USP6NL: variants seen among roughly 807,000 people sequenced by gnomAD.
USP6NL encodes USP6 N-terminal-like protein.
USP6NL carries 26 observed loss-of-function variants against 61.9 expected under a neutral mutation model. The ratio of observed to expected loss-of-function variants is 0.42; its 90% CI spans 0.31 to 0.58. The LOEUF is 0.58. USP6NL is among the 20% of genes least tolerant of loss of function. The pLI is 0.16. For synonymous variants in USP6NL, 432 were observed against 390.1 expected, an observed-to-expected ratio of 1.11 and a Z score of -1.27; for missense variants, 1,114 against 1,034.3, an observed-to-expected ratio of 1.08 and a Z score of -1.06.
At chr10:11,500,190 G>C (rs900309552) in intron 7 of USP6NL, among the ~76,000 whole-genome samples, 15 of 152,226 alleles carry the variant, frequency 9.9e-5, no homozygotes, top group African/African-American at 3.6e-4. Flanking sequence ...GTGGGAGGGA[G>C]AGCATCAGGA....
In USP6NL at chr10:11,520,819, G is replaced by A. The variant is rs1306521345; in HGVS notation, c.156-2245C>T. Reference sequence around the variant, plus strand: ...GGGTTAAGCAGTTGTGACAAAGACCGTATGACCTACAAAGCCAAAGATCCT... The same window carrying A: ...GGGTTAAGCAGTTGTGACAAAGACCATATGACCTACAAAGCCAAAGATCCT... On this transcript the variant is annotated intron_variant, in intron 4 of 14. Coordinates refer to ENST00000609104, the MANE Select transcript of USP6NL (RefSeq NM_014688.5). The surrounding 1 kb of genome is among the most constrained non-coding windows in gnomAD (Gnocchi z 5.2). 1.3e-5 allele frequency among the ~76,000 whole-genome samples: 2 copies of A among 152,308 alleles called. No individual in the cohort carries two copies. The highest frequency in any genetic ancestry group is 3.4e-3 in the Middle Eastern group (1 of 294).
rs1231910436 is a variant in USP6NL at position 11,555,417 on chromosome 10, A to T, written c.5-27850T>A. ...GCAACAAGAGTGAAACTCGGTCTTA[A>T]AAAAAAAAAAAAAAAAATATATATA... is the stretch of plus-strand genomic sequence containing the variant. On this transcript the variant is annotated intron_variant, in intron 2 of 14. Transcript: ENST00000609104. Among the ~76,000 whole-genome samples, 8 of 20,074 alleles carry T rather than the reference A, an allele frequency of 4.0e-4. No individual in the cohort carries two copies. The East Asian group carries it at 6.6e-3, about 17-fold the overall frequency. The allele number at this position is 20,074 out of a possible 152,430, so 13.2% of individuals were successfully genotyped here. A position where few individuals can be genotyped will look rare whatever the true frequency, so the allele number is the denominator to read the frequency against.
chr10:11,547,399 G>A lies in USP6NL; in HGVS notation c.5-19832C>T, dbSNP rs747484271. Among the ~76,000 whole-genome samples, 8 of 152,274 alleles carry A rather than the reference G, an allele frequency of 5.3e-5. No individual in the cohort carries two copies. The Middle Eastern group carries it at 0.014, about 259-fold the overall frequency. ...AATGTCTCACAGCAGGCGGCAGAGC[G>A]GGATGTGAACACAGTTGGGATCCAG... On this transcript the variant is annotated intron_variant, in intron 2 of 14. Transcript: ENST00000609104.
Position 11,478,733 on chromosome 10 carries a change from T to C in USP6NL, c.1078+3037A>G, listed in dbSNP as rs1351176344. Among the ~76,000 whole-genome samples the C allele has an allele frequency of 6.6e-6, 1 of 152,050 alleles. No homozygotes were observed. Among genetic ancestry groups the C allele is most frequent in the African/African-American group, 2.4e-5 (1 of 41,402 alleles). ...CAGCCTGGGCAACATGGCAGAACCC[T>C]GCCTCTACAAAAAATACTAAAATTA... On this transcript the variant is annotated intron_variant, in intron 14 of 14. Transcript: ENST00000609104. The surrounding 1 kb of genome is among the most constrained non-coding windows in gnomAD (Gnocchi z 6.8).
chr10:11,494,099 G>T (rs183706981), intron 7 of USP6NL, among the ~76,000 whole-genome samples: 10 of 152,192 alleles, frequency 6.6e-5, no homozygotes, highest in Non-Finnish European at 1.5e-4. Flanking sequence ...TTGAATATCT[G>T]ATCATTCTAC....
At chr10:11,552,687 T>C (rs572135047) in intron 2 of USP6NL, among the ~76,000 whole-genome samples, 4 of 152,302 alleles carry the variant, frequency 2.6e-5, no homozygotes, top group African/African-American at 9.6e-5. Context: ...GGGAAACATA[T>C]CCACTAAACA....
chr10:11,560,639 C>A (rs1448129614), intron 2 of USP6NL, among the ~76,000 whole-genome samples: 2 of 147,450 alleles, frequency 1.4e-5, no homozygotes, highest in East Asian at 3.9e-4. Context: ...ACTCAAGTAA[C>A]TAAAACACAG....
At chr10:11,560,136 C>T (rs1207873056) in intron 2 of USP6NL, among the ~76,000 whole-genome samples, 1 of 152,124 alleles carries the variant, frequency 6.6e-6, no homozygotes, top group Admixed American at 6.5e-5. Context: ...AAGCACGATA[C>T]ATTGCAAATT....
At chr10:11,466,148 G>A (rs534445300) in intron 14 of USP6NL, among the ~76,000 whole-genome samples, 5 of 152,228 alleles carry the variant, frequency 3.3e-5, no homozygotes, top group African/African-American at 1.2e-4. Flanking sequence ...GGTTAACATG[G>A]GTTCGGCTTC....
At chr10:11,582,354 G>C (rs1263476853) in intron 2 of USP6NL, among the ~76,000 whole-genome samples, 1 of 152,214 alleles carries the variant, frequency 6.6e-6, no homozygotes. Context: ...GCCCGCCTCA[G>C]TCTCCCAAAT....
Position 11,465,016 on chromosome 10 carries a change from GT to G in USP6NL, c.1079-1168del, listed in dbSNP as rs1379239957. Among the ~76,000 whole-genome samples, 3 of 151,816 alleles carry G rather than the reference GT, an allele frequency of 2.0e-5. No homozygotes were observed. Among genetic ancestry groups the G allele is most frequent in the Non-Finnish European group, 2.9e-5 (2 of 67,916 alleles). ...AAAACCTATCCAGATTCCTCCAAAA[GT>G]TTTTTTCTATCAGCTCTACAAATAG... On this transcript the variant is annotated intron_variant, in intron 14 of 14. Transcript: ENST00000609104. The surrounding 1 kb of genome is among the most constrained non-coding windows in gnomAD (Gnocchi z 4.5).
In USP6NL at chr10:11,468,490, T is replaced by C. The variant is rs1404272580; in HGVS notation, c.1079-4641A>G. ...CACCCCTCACTCAGAGGAGTGGTCC[T>C]GTCCTTCCCCTAGTTCTCATTCAAA... On this transcript the variant is annotated intron_variant, in intron 14 of 14. Coordinates refer to ENST00000609104, the MANE Select transcript of USP6NL (RefSeq NM_014688.5). This position sits in a 1 kb window ranked among gnomAD's most constrained non-coding sequence, Gnocchi z 4.5. Among the ~76,000 whole-genome samples the C allele has an allele frequency of 6.6e-6, 1 of 152,248 alleles. No individual in the cohort carries two copies. The highest frequency in any genetic ancestry group is 1.5e-5 in the Non-Finnish European group (1 of 68,042).
intron 2 of USP6NL, among the ~76,000 whole-genome samples, chr10:11,582,353 A>C (rs892340220): frequency 6.6e-6 from 1 of 152,218 alleles, no homozygotes; most frequent in African/African-American, 2.4e-5. Flanking sequence ...CGCCCGCCTC[A>C]GTCTCCCAAA....
intron 2 of USP6NL, among the ~76,000 whole-genome samples, chr10:11,550,613 G>A (rs1354234064): frequency 3.3e-5 from 5 of 151,762 alleles, no homozygotes; most frequent in Admixed American, 6.6e-5. Flanking sequence ...AAAATTAGCC[G>A]GGCGTGGTGG....
Position 11,595,633 on chromosome 10 carries a change from T to C in USP6NL, c.4+1998A>G, listed in dbSNP as rs988025924. Reference sequence around the variant, plus strand: ...CAAATATGAATCTGCTAGACCAGCATGAAAAAAACAAAAATCACAAAAAGA... The same window carrying C: ...CAAATATGAATCTGCTAGACCAGCACGAAAAAAACAAAAATCACAAAAAGA... On this transcript the variant is annotated intron_variant, in intron 2 of 14. Transcript: ENST00000609104. This position sits in a 1 kb window ranked among gnomAD's most constrained non-coding sequence, Gnocchi z 5.3. Among the ~76,000 whole-genome samples, 3 of 151,486 alleles carry C rather than the reference T, an allele frequency of 2.0e-5. No homozygotes were observed. Among genetic ancestry groups the C allele is most frequent in the Non-Finnish European group, 2.9e-5 (2 of 67,912 alleles).
At chr10:11,530,119 A>G (rs1019689379) in intron 2 of USP6NL, among the ~76,000 whole-genome samples, 4 of 151,496 alleles carry the variant, frequency 2.6e-5, no homozygotes, top group South Asian at 2.1e-4. Context: ...AAAAAAAAAA[A>G]AAAAAGAAAT....
Position 11,518,703 on chromosome 10 carries a change from T to G in USP6NL, c.156-129A>C. ...TCACAAGAGTTACATAGGCTTCCATTCATTGAATTCAATATGAAATGATAG... is the reference window on the plus strand; with the variant it reads ...TCACAAGAGTTACATAGGCTTCCATGCATTGAATTCAATATGAAATGATAG... On this transcript the variant is annotated intron_variant, in intron 4 of 14. Coordinates refer to ENST00000609104, the MANE Select transcript of USP6NL (RefSeq NM_014688.5). The surrounding 1 kb of genome is among the most constrained non-coding windows in gnomAD (Gnocchi z 5.3). 1 of 673,382 alleles carries G rather than the reference T, an allele frequency of 1.5e-6. No individual in the cohort carries two copies. Among genetic ancestry groups the G allele is most frequent in the Non-Finnish European group, 2.4e-6 (1 of 409,904 alleles). 41.7% of individuals were successfully genotyped at this position (673,382 alleles called of 1,614,324 possible).
At position 11,540,993 on chromosome 10, in the gene USP6NL, C is replaced by A. The variant is rs1023454434; in HGVS notation, c.5-13426G>T. ...ACACTAAAAGTGTCACTCATTCAAT[C>A]ATTTTTGTAAGGTACCCTAAGCTCC... On this transcript the variant is annotated intron_variant, in intron 2 of 14. Transcript: ENST00000609104. The surrounding 1 kb of genome is among the most constrained non-coding windows in gnomAD (Gnocchi z 5.0). Among the ~76,000 whole-genome samples, 4 of 147,248 alleles carry A rather than the reference C, an allele frequency of 2.7e-5. No homozygotes were observed. The highest frequency in any genetic ancestry group is 9.8e-5 in the African/African-American group (4 of 40,950).
rs542513016 is a variant in USP6NL, at chr10:11,501,068, T to A, written c.384+33A>T. The A allele has an allele frequency of 5.4e-6, 8 of 1,493,260 alleles. No individual in the cohort carries two copies. The African/African-American group carries it at 7.0e-5, about 13-fold the overall frequency. The allele number at this position is 1,493,260 out of a possible 1,614,324, so 92.5% of individuals were successfully genotyped here. A position where few individuals can be genotyped will look rare whatever the true frequency, so the allele number is the denominator to read the frequency against. On this transcript the variant is annotated intron_variant, in intron 7 of 14. Coordinates refer to ENST00000609104, the MANE Select transcript of USP6NL (RefSeq NM_014688.5). ...AAAAGAAATGGATTTTACTTTTTAA[T>A]TTCAAAATAACAAGTTAGCTTTAGC...
Sources: allele counts gnomAD v4.1 joint callset (sites outside exome capture counted in the v4.1 genomes callset), GRCh38; gene constraint gnomAD v4.1.1; non-coding constraint Gnocchi (gnomAD v3.1); transcripts MANE v1.5; gene names NCBI Gene and HGNC (gene_info 2026-07-23, HGNC 2026-07-21).